Variants in LRTM1 observed in about 807,000 individuals in gnomAD.
The protein encoded by LRTM1 is leucine rich repeat transmembrane protein 1.
A neutral mutation model predicts 32.4 loss-of-function variants in LRTM1; 38 were observed. The ratio of observed to expected loss-of-function variants is 1.17; its 90% CI spans 0.91 to 1.54. The LOEUF (loss-of-function observed/expected upper bound fraction) is 1.54, where lower values mean the gene tolerates loss of function less well. Ranked by LOEUF, LRTM1 falls within the 40% of genes most tolerant of loss-of-function variation. The pLI, the probability that LRTM1 is intolerant of heterozygous loss-of-function variation, is 0.00. For synonymous variants in LRTM1, 186 were observed against 169.9 expected (o/e 1.09, Z -0.74); for missense variants, 466 against 415.4 (o/e 1.12, Z -1.06).
intron 2 of LRTM1, among the ~76,000 whole-genome samples, chr3:54,923,699 A>G (rs1396863844): frequency 6.6e-6 from 1 of 152,206 alleles, no homozygotes; most frequent in Non-Finnish European, 1.5e-5. Context: ...GGAAGAGTGA[A>G]GCACTGTGAA....
intron 1 of LRTM1, among the ~76,000 whole-genome samples, chr3:54,940,806 T>G (rs1701447202): frequency 6.6e-6 from 1 of 152,196 alleles, no homozygotes; most frequent in South Asian, 2.1e-4. Flanking sequence ...TGGTGGAATT[T>G]TTCTGAAACC....
chr3:54,935,618 G>A (rs1052283441), intron 1 of LRTM1, among the ~76,000 whole-genome samples: 4 of 152,142 alleles, frequency 2.6e-5, no homozygotes, highest in Admixed American at 6.5e-5. Flanking sequence ...TTGATTGTTT[G>A]CTCATGTTAA....
At chr3:54,925,456 C>G (rs759416143) in intron 1 of LRTM1, among the ~76,000 whole-genome samples, 13 of 152,132 alleles carry the variant, frequency 8.5e-5, no homozygotes, top group Non-Finnish European at 1.6e-4. Context: ...GAGAAAGATA[C>G]TCTCAGTGTC....
At chr3:54,942,462 C>A (rs147135877) in intron 1 of LRTM1, among the ~76,000 whole-genome samples, 6 of 152,326 alleles carry the variant, frequency 3.9e-5, no homozygotes, top group African/African-American at 1.2e-4. Context: ...AATCTTGAGG[C>A]TGGGACCTTG....
chr3:54,940,575 G>A (rs1701440286), intron 1 of LRTM1, among the ~76,000 whole-genome samples: 2 of 152,122 alleles, frequency 1.3e-5, no homozygotes, highest in Non-Finnish European at 2.9e-5. Context: ...ATATAATGCA[G>A]CATTTTCAAA....
In LRTM1 at chr3:54,927,979, G is replaced by C; in HGVS notation, c.-68C>G. On this transcript the variant is annotated 5_prime_UTR_variant, in exon 1 of 3. Coordinates refer to ENST00000273286, the MANE Select transcript of LRTM1 (RefSeq NM_020678.4). ...TTAATTAATGTGCAGAGCAACACAC[G>C]AAGGGCATGGCAGACTCAGAGCCCA... 1 of 1,479,848 alleles carries C rather than the reference G, an allele frequency of 6.8e-7. No individual in the cohort carries two copies. The highest frequency in any genetic ancestry group is 9.4e-7 in the Non-Finnish European group (1 of 1,059,662). The allele number at this position is 1,479,848 out of a possible 1,614,324, so 91.7% of individuals were successfully genotyped here.
chr3:54,951,099 C>A (rs1701745641), intron 1 of LRTM1, among the ~76,000 whole-genome samples: 1 of 152,150 alleles, frequency 6.6e-6, no homozygotes, highest in South Asian at 2.1e-4. Context: ...CAGAACGCTC[C>A]AACTATAATA....
intron 1 of LRTM1, among the ~76,000 whole-genome samples, chr3:54,943,449 A>G (rs1701528658): frequency 6.6e-6 from 1 of 152,160 alleles, no homozygotes; most frequent in Non-Finnish European, 1.5e-5. Flanking sequence ...CCCTCTTCCT[A>G]TTCCACCAAC....
At chr3:54,958,976 C>T (rs1203397935) in intron 1 of LRTM1, among the ~76,000 whole-genome samples, 1 of 152,180 alleles carries the variant, frequency 6.6e-6, no homozygotes, top group Non-Finnish European at 1.5e-5. Flanking sequence ...TGGCACATGC[C>T]TGTAGTCCTA....
chr3:54,934,755 C>T (rs1291012436), intron 1 of LRTM1, among the ~76,000 whole-genome samples: 1 of 152,090 alleles, frequency 6.6e-6, no homozygotes, highest in East Asian at 1.9e-4. Context: ...TTTGTTGAGA[C>T]AGAGTGTCAC....
At chr3:54,923,568 T>G (rs1700915497) in intron 2 of LRTM1, among the ~76,000 whole-genome samples, 1 of 152,190 alleles carries the variant, frequency 6.6e-6, no homozygotes, top group African/African-American at 2.4e-5. Flanking sequence ...ATCATCTTAT[T>G]TAACATCTGT....
chr3:54,924,214 CAA>C (rs1428369591), intron 2 of LRTM1, among the ~76,000 whole-genome samples: 2 of 152,060 alleles, frequency 1.3e-5, no homozygotes, highest in African/African-American at 4.8e-5. Context: ...TAGAAGCAGA[CAA>C]AGAGAGAAAA....
At chr3:54,952,686 A>C (rs1184321670) in intron 1 of LRTM1, among the ~76,000 whole-genome samples, 1 of 152,184 alleles carries the variant, frequency 6.6e-6, no homozygotes, top group African/African-American at 2.4e-5. Context: ...CATGGGTTCA[A>C]ATTCTGGTGC....
intron 1 of LRTM1, among the ~76,000 whole-genome samples, chr3:54,954,940 A>C (rs1410145897): frequency 1.3e-5 from 2 of 152,156 alleles, no homozygotes; most frequent in Non-Finnish European, 2.9e-5. Context: ...TTGCTCATTC[A>C]TTTACTCATC....
chr3:54,947,693 C>T (rs1036290943), intron 1 of LRTM1, among the ~76,000 whole-genome samples: 4 of 152,112 alleles, frequency 2.6e-5, no homozygotes, highest in Non-Finnish European at 5.9e-5. Flanking sequence ...GAGGTCCTGA[C>T]TCTTATCAGT....
chr3:54,937,369 C>T (rs779163439), intron 1 of LRTM1, among the ~76,000 whole-genome samples: 5 of 152,126 alleles, frequency 3.3e-5, no homozygotes, highest in East Asian at 1.9e-4. Flanking sequence ...AGTTGTCCCT[C>T]GGTATATGAG....
intron 1 of LRTM1, among the ~76,000 whole-genome samples, chr3:54,958,240 T>C (rs1052823090): frequency 3.3e-5 from 5 of 152,184 alleles, no homozygotes; most frequent in Non-Finnish European, 5.9e-5. Flanking sequence ...GAATATTCCA[T>C]GTATCGGATG....
chr3:54,927,071 A>G (rs1393913871), intron 1 of LRTM1, among the ~76,000 whole-genome samples: 1 of 152,222 alleles, frequency 6.6e-6, no homozygotes, highest in Non-Finnish European at 1.5e-5. Context: ...CCAAAACTCA[A>G]AATAGTTATC....
upstream of LRTM1, among the ~76,000 whole-genome samples, chr3:54,929,604 C>T (rs777630063): frequency 2.0e-5 from 3 of 151,298 alleles, no homozygotes; most frequent in Non-Finnish European, 4.4e-5. Flanking sequence ...CCACTTTACG[C>T]AACCTGCCAT....
Sources: allele counts gnomAD v4.1 joint callset (sites outside exome capture counted in the v4.1 genomes callset), GRCh38; gene constraint gnomAD v4.1.1; transcripts MANE v1.5; gene names NCBI Gene and HGNC (gene_info 2026-07-23, HGNC 2026-07-21).